Variants in RBFOX3 observed in about 807,000 individuals in gnomAD.
RBFOX3 encodes RNA binding protein fox-1 homolog 3.
Under a neutral mutation model 48.7 loss-of-function variants are expected in RBFOX3, and 17 were observed. That is an observed-to-expected ratio of 0.35 (90% CI 0.24 to 0.52). RBFOX3 has a LOEUF of 0.52. RBFOX3 is among the 20% of genes least tolerant of loss of function. The probability of loss-of-function intolerance (pLI) is 0.94; values close to 1 mark genes in which losing one functional copy is unlikely to be tolerated. For missense variants in RBFOX3, 382 were observed against 497.5 expected (o/e 0.77, Z 2.21); for synonymous variants, 212 against 209.5 (o/e 1.01, Z -0.10).
chr17:79,631,377 T>C, the RBFOX3 span, among the ~76,000 whole-genome samples: 1 of 152,050 alleles, frequency 6.6e-6, no homozygotes, highest in African/African-American at 2.4e-5. Flanking sequence ...TTGACTGCAA[T>C]TCACACGGTG....
chr17:79,403,185 G>A (rs925215499), intron 2 of RBFOX3, among the ~76,000 whole-genome samples: 2 of 152,136 alleles, frequency 1.3e-5, no homozygotes, highest in Admixed American at 6.5e-5. Context: ...GGGGAGGGGC[G>A]GTGAAAAGCA....
chr17:79,228,860 C>T (rs189058233), intron 4 of RBFOX3, among the ~76,000 whole-genome samples: 136 of 152,306 alleles, frequency 8.9e-4, no homozygotes, highest in African/African-American at 3.1e-3. Context: ...ACAAAACACT[C>T]TGGTGAGGCA....
Position 79,390,126 on chromosome 17 carries a change from G to A in RBFOX3, c.-174-82302C>T, listed in dbSNP as rs112689120. Among the ~76,000 whole-genome samples, 2,229 of 152,306 alleles carry A rather than the reference G, an allele frequency of 0.015. 72 individuals are homozygous for A. Among genetic ancestry groups the A allele is most frequent in the African/African-American group, 0.051 (2,134 of 41,578 alleles). On this transcript the variant is annotated intron_variant, in intron 2 of 14. Coordinates refer to ENST00000693108, the MANE Select transcript of RBFOX3 (RefSeq NM_001350451.2). This position sits in a 1 kb window ranked among gnomAD's most constrained non-coding sequence, Gnocchi z 4.2. ...CCGTAGCCAGCCACCCGGCCGAGGG[G>A]CTGGGTCCACAGAGGAGGACCAGCA... is the stretch of plus-strand genomic sequence containing the variant.
chr17:79,243,189 C>G lies in RBFOX3; in HGVS notation c.-73-7384G>C, dbSNP rs2062645908. The stretch of plus-strand genomic sequence containing the variant: ...TAAATGCCACAGCTGGTAGCGGTTG[C>G]AGCTGAGTTTGCGCGAGACCCACCT... On this transcript the variant is annotated intron_variant, in intron 3 of 14. Coordinates refer to ENST00000693108, the MANE Select transcript of RBFOX3 (RefSeq NM_001350451.2). This position sits in a 1 kb window ranked among gnomAD's most constrained non-coding sequence, Gnocchi z 7.9. 2.4e-5 allele frequency among the ~76,000 whole-genome samples: 1 copy of G among 40,844 alleles called. No homozygotes were observed. 26.8% of individuals were successfully genotyped at this position (40,844 alleles called of 152,430 possible).
At chr17:79,126,003 G>A (rs1393785648) in intron 4 of RBFOX3, among the ~76,000 whole-genome samples, 4 of 152,200 alleles carry the variant, frequency 2.6e-5, no homozygotes, top group Non-Finnish European at 5.9e-5. Context: ...ACCACCCCCT[G>A]CACATTTAAT....
chr17:79,271,864 G>T (rs1293372738), intron 3 of RBFOX3, among the ~76,000 whole-genome samples: 1 of 152,220 alleles, frequency 6.6e-6, no homozygotes. Context: ...GGAGTTCCCC[G>T]GGGGCTCCCC....
intron 2 of RBFOX3, among the ~76,000 whole-genome samples, chr17:79,427,104 C>T (rs1258085364): frequency 6.6e-6 from 1 of 152,192 alleles, no homozygotes; most frequent in Non-Finnish European, 1.5e-5. Flanking sequence ...CTCTCTACAT[C>T]CTCAGTTCTC....
At chr17:79,317,168 A>T (rs1295172676) in intron 2 of RBFOX3, among the ~76,000 whole-genome samples, 1 of 152,094 alleles carries the variant, frequency 6.6e-6, no homozygotes, top group Non-Finnish European at 1.5e-5. Context: ...GCAGGCTCCA[A>T]TTGCCACTTT....
chr17:79,096,696 G>A lies in RBFOX3; in HGVS notation c.893C>T (p.Ser298Phe). Residue 298 changes from serine to phenylalanine, a missense_variant, in exon 12 of 15, where the codon TCC (serine) becomes TTC (phenylalanine). Physicochemically the swap from Ser to Phe is radical, Grantham distance 155. Around this residue, in one of 3 missense-constraint regions of RBFOX3, gnomAD observed 215 missense variants for 254.8 expected, o/e 0.84. Coordinates refer to ENST00000693108, the MANE Select transcript of RBFOX3 (RefSeq NM_001350451.2). ...AAATCCATCCTGATACACGACCCTGGAAGCAAACGGACAAGAAAGTGGTGG... is the reference window on the plus strand; with the variant it reads ...AAATCCATCCTGATACACGACCCTGAAAGCAAACGGACAAGAAAGTGGTGG... ...AFPPLSCPFASRVVYQDGFYG... is the reference protein window; with the variant it reads ...AFPPLSCPFAFRVVYQDGFYG... 1 of 1,551,472 alleles carries A rather than the reference G, an allele frequency of 6.4e-7. No homozygotes were observed. The highest frequency in any genetic ancestry group is 8.7e-7 in the Non-Finnish European group (1 of 1,146,876).
intron 1 of RBFOX3, among the ~76,000 whole-genome samples, chr17:79,571,949 A>T (rs2092693892): frequency 6.6e-6 from 1 of 152,000 alleles, no homozygotes; most frequent in African/African-American, 2.4e-5. Flanking sequence ...CCGACCCCTC[A>T]CCTGCAGGAC....
rs573646626 is a variant in RBFOX3, at chr17:79,096,426, C to T, written c.936+227G>A. 4.6e-5 allele frequency among the ~76,000 whole-genome samples: 7 copies of T among 152,278 alleles called. No homozygotes were observed. The South Asian group carries it at 8.3e-4, about 18-fold the overall frequency. Reference sequence around the variant, plus strand: ...GGTTTCAGCTCACAGGGCTGCTGGGCGGCCCATTAACTGCTCCCTTGATGG... The same window carrying T: ...GGTTTCAGCTCACAGGGCTGCTGGGTGGCCCATTAACTGCTCCCTTGATGG... On this transcript the variant is annotated intron_variant, in intron 12 of 14. Coordinates refer to ENST00000693108, the MANE Select transcript of RBFOX3 (RefSeq NM_001350451.2).
At chr17:79,495,706 G>T (rs1012345652) in intron 1 of RBFOX3, among the ~76,000 whole-genome samples, 1 of 143,586 alleles carries the variant, frequency 7.0e-6, no homozygotes, top group Non-Finnish European at 1.5e-5. Context: ...GGTGGTTGGG[G>T]GCACAGGGGT....
At chr17:79,098,099 C>T (rs1050231480) in intron 9 of RBFOX3, 3 of 271,946 alleles carry the variant, frequency 1.1e-5, no homozygotes, top group Non-Finnish European at 2.2e-5. Flanking sequence ...TTATCTACCC[C>T]CCTGAGCACA....
At chr17:79,274,699 C>A (rs1331092440) in intron 3 of RBFOX3, among the ~76,000 whole-genome samples, 2 of 152,080 alleles carry the variant, frequency 1.3e-5, no homozygotes, top group African/African-American at 4.8e-5. Flanking sequence ...GACGTCTCCA[C>A]CTGGCTCACT....
intron 3 of RBFOX3, among the ~76,000 whole-genome samples, chr17:79,265,265 G>T (rs887816111): frequency 6.6e-6 from 1 of 152,182 alleles, no homozygotes; most frequent in Admixed American, 6.5e-5. Flanking sequence ...ATGTAATGCC[G>T]TGTCCTCCCC....
At chr17:79,614,159 G>A (rs1297378162), upstream of RBFOX3, among the ~76,000 whole-genome samples, 7 of 152,222 alleles carry the variant, frequency 4.6e-5, no homozygotes, top group African/African-American at 1.4e-4. Context: ...AGGCTCAGAA[G>A]GCGTGGGGCC....
intron 2 of RBFOX3, among the ~76,000 whole-genome samples, chr17:79,317,297 CT>C (rs1457643546): frequency 6.6e-6 from 1 of 152,236 alleles, no homozygotes; most frequent in African/African-American, 2.4e-5. Context: ...TTAGATGTTT[CT>C]TTTCAAACAG....
rs180973112 is a variant in RBFOX3 at position 79,301,657 on chromosome 17, C to G, written c.-74+6067G>C. Reference sequence around the variant, plus strand: ...ACAGTCATGACAATGCAGACCCACCCGCAGCAGCACTACTCCCAGTGGCCA... The same window carrying G: ...ACAGTCATGACAATGCAGACCCACCGGCAGCAGCACTACTCCCAGTGGCCA... On this transcript the variant is annotated intron_variant, in intron 3 of 14. Transcript: ENST00000693108. Among the ~76,000 whole-genome samples the G allele has an allele frequency of 2.3e-3, 349 of 152,304 alleles. 2 individuals are homozygous for G. Among genetic ancestry groups the G allele is most frequent in the African/African-American group, 7.6e-3 (316 of 41,558 alleles).
chr17:79,232,312 A>G (rs1202869732), intron 4 of RBFOX3, among the ~76,000 whole-genome samples: 1 of 152,230 alleles, frequency 6.6e-6, no homozygotes, highest in Non-Finnish European at 1.5e-5. Flanking sequence ...TAAGGGGCCT[A>G]GAAGAGCCAA....
Sources: allele counts gnomAD v4.1 joint callset (sites outside exome capture counted in the v4.1 genomes callset), GRCh38; gene constraint gnomAD v4.1.1; regional missense constraint gnomAD v4.1.1; non-coding constraint Gnocchi (gnomAD v3.1); transcripts MANE v1.5; gene names NCBI Gene and HGNC (gene_info 2026-07-23, HGNC 2026-07-21).